The following TUB variants were observed in gnomAD, a reference collection of about 807,000 sequenced individuals.
TUB encodes tubby protein homolog.
TUB carries 33 observed loss-of-function variants against 59.7 expected under a neutral mutation model. That is an observed-to-expected ratio of 0.55 (90% confidence interval 0.42 to 0.74). The LOEUF (loss-of-function observed/expected upper bound fraction) is 0.74. TUB is among the 30% of genes least tolerant of loss of function. TUB has a pLI of 0.00. For synonymous variants in TUB, 293 were observed against 256.4 expected, an observed-to-expected ratio of 1.14 and a Z score of -1.36; for missense variants, 659 against 672.0, an observed-to-expected ratio of 0.98 and a Z score of 0.21.
chr11:8,025,102 T>G (rs960104276), intron 1 of TUB, among the ~76,000 whole-genome samples: 2 of 152,220 alleles, frequency 1.3e-5, no homozygotes, highest in African/African-American at 4.8e-5. Context: ...TGAAACAAAG[T>G]CTGTGGTCTC....
At chr11:8,093,985 G>C (rs893219932) in intron 3 of TUB, 61 bp from the exon 4 acceptor site, 1 of 1,606,286 alleles carries the variant, frequency 6.2e-7, no homozygotes, top group African/African-American at 1.3e-5. Flanking sequence ...GTTCAGGTGG[G>C]AGCTCTGGTC....
At chr11:8,038,500 TG>T, upstream of TUB, 1 of 590,856 alleles carries the variant, frequency 1.7e-6, no homozygotes, top group Non-Finnish European at 2.2e-6. Flanking sequence ...TTCCTCCAGA[TG>T]GGGCCTTTGT....
intron 1 of TUB, among the ~76,000 whole-genome samples, chr11:8,089,126 G>A (rs574609716): frequency 1.3e-5 from 2 of 152,310 alleles, no homozygotes; most frequent in East Asian, 1.9e-4. Context: ...TGCTTTCAAC[G>A]GATGGGGAAA....
chr11:8,040,496 G>A (rs935049649), intron 2 of TUB, among the ~76,000 whole-genome samples: 1 of 152,208 alleles, frequency 6.6e-6, no homozygotes, highest in Non-Finnish European at 1.5e-5. Context: ...TTCTGATGGG[G>A]TTTGTGATGA....
intron 1 of TUB, among the ~76,000 whole-genome samples, chr11:8,028,941 G>T (rs1942534674): frequency 6.6e-6 from 1 of 152,206 alleles, no homozygotes; most frequent in African/African-American, 2.4e-5. Context: ...GAGCCTGGAA[G>T]GTTGAGGTTG....
intron 2 of TUB, among the ~76,000 whole-genome samples, chr11:8,048,813 G>A (rs1051921135): frequency 3.9e-5 from 6 of 152,018 alleles, no homozygotes; most frequent in Admixed American, 2.0e-4. Flanking sequence ...ATGTAATGTT[G>A]TAATGTTATG....
intron 11 of TUB, 39 bp from the exon 12 acceptor site, chr11:8,101,447 C>A (rs1944299280): frequency 6.2e-7 from 1 of 1,607,652 alleles, no homozygotes; most frequent in Non-Finnish European, 8.5e-7. Context: ...CCATTCCTGT[C>A]CTGTCCTTTT....
chr11:8,087,158 A>G (rs1943684591), intron 1 of TUB, among the ~76,000 whole-genome samples: 1 of 152,222 alleles, frequency 6.6e-6, no homozygotes, highest in Non-Finnish European at 1.5e-5. Flanking sequence ...TGAGGCCACT[A>G]TGGCTGGAAA....
At chr11:8,093,070 A>C (rs938338130) in intron 3 of TUB, among the ~76,000 whole-genome samples, 1 of 152,158 alleles carries the variant, frequency 6.6e-6, no homozygotes, top group African/African-American at 2.4e-5. Context: ...CGGACCTTAC[A>C]GTCTAGGTGG....
In TUB at chr11:8,090,079, T is replaced by TGGAGCA; in HGVS notation, c.103_108dup (p.Glu35_Gln36dup). The TGGAGCA allele has an allele frequency of 6.2e-7, 1 of 1,607,916 alleles. No homozygotes were observed. On this transcript the variant is annotated inframe_insertion, in exon 3 of 12. Coordinates refer to ENST00000299506, the MANE Select transcript of TUB (RefSeq NM_177972.3). The stretch of plus-strand genomic sequence containing the variant: ...TCTGTGCCTCCATAGCGGGCCCTGC[T>TGGAGCA]GGAGCAGAAGCAGAAGAAGAAGCGC...
chr11:8,057,965 T>A (rs1015860206), intron 2 of TUB, among the ~76,000 whole-genome samples: 1 of 152,058 alleles, frequency 6.6e-6, no homozygotes, highest in African/African-American at 2.4e-5. Flanking sequence ...GCACCAGCAC[T>A]TTGGGAGGCC....
intron 2 of TUB, chr11:8,067,790 C>T (rs2133789944): frequency 6.6e-6 from 1 of 152,526 alleles, no homozygotes; most frequent in East Asian, 1.9e-4. Context: ...CTCAGGATTC[C>T]CTGAATTTCC....
chr11:8,090,041 G>A, intron 2 of TUB, 28 bp from the exon 3 acceptor site: 2 of 1,564,172 alleles, frequency 1.3e-6, no homozygotes, highest in East Asian at 4.7e-5. Flanking sequence ...TGGAGGCAGT[G>A]GGTCAGCCAA....
At chr11:8,051,298 A>T (rs1486877564) in intron 2 of TUB, among the ~76,000 whole-genome samples, 2 of 152,214 alleles carry the variant, frequency 1.3e-5, no homozygotes, top group Non-Finnish European at 2.9e-5. Flanking sequence ...TAAATTTTTC[A>T]TGTAACATAC....
intron 1 of TUB, among the ~76,000 whole-genome samples, chr11:8,081,847 C>T (rs1420327767): frequency 2.0e-5 from 3 of 152,226 alleles, no homozygotes; most frequent in Non-Finnish European, 4.4e-5. Flanking sequence ...TCTGAGCCCC[C>T]TCCTAGGCCC....
rs1315900829 is a variant in TUB, at chr11:8,106,234, C to T, written c.*4615C>T. On this transcript the variant is annotated 3_prime_UTR_variant, in exon 12 of 12. Transcript: ENST00000299506. ...ATATATCAACAAATTAAACTTGAAT[C>T]GTTTCAACACTTCTGTGTACTTTTT... 3 of 152,138 alleles carry T rather than the reference C, an allele frequency of 2.0e-5. No individual in the cohort carries two copies. The highest frequency in any genetic ancestry group is 1.9e-4 in the East Asian group (1 of 5,200). The allele number at this position is 152,138 out of a possible 1,614,324, so 9.4% of individuals were successfully genotyped here.
chr11:8,029,189 C>T lies in TUB; in HGVS notation c.56+9831C>T, dbSNP rs187723144. ...TGTGGCTTTTTTCTGGCCCCGGGTT[C>T]CCAAACAAAGCATGCAGTTGCTGGT... On this transcript the variant is annotated intron_variant, in intron 1 of 11. Coordinates refer to the TUB transcript ENST00000534099. 2.2e-3 allele frequency among the ~76,000 whole-genome samples: 332 copies of T among 152,198 alleles called. 1 individual carries two copies. The highest frequency in any genetic ancestry group is 6.8e-3 in the Middle Eastern group (2 of 294).
Position 8,019,268 on chromosome 11 carries a change from C to T in TUB, c.-35C>T, listed in dbSNP as rs903865509. The T allele has an allele frequency of 4.8e-6, 6 of 1,249,330 alleles. No homozygotes were observed. The African/African-American group carries it at 7.8e-5, about 16-fold the overall frequency. The allele number at this position is 1,249,330 out of a possible 1,614,324, so 77.4% of individuals were successfully genotyped here. A position where few individuals can be genotyped will look rare whatever the true frequency, so the allele number is the denominator to read the frequency against. Reference sequence around the variant, plus strand: ...CCAGCCCCAAGCCCAGCGCCGCCGCCGCCCGCGGAGCCCCGAGCGGAGCCG... The same window carrying T: ...CCAGCCCCAAGCCCAGCGCCGCCGCTGCCCGCGGAGCCCCGAGCGGAGCCG... On this transcript the variant is annotated 5_prime_UTR_variant, in exon 1 of 12. Coordinates refer to the TUB transcript ENST00000534099.
intron 2 of TUB, among the ~76,000 whole-genome samples, chr11:8,062,522 T>C (rs1943150954): frequency 6.7e-6 from 1 of 149,166 alleles, no homozygotes; most frequent in African/African-American, 2.4e-5. Flanking sequence ...TGTGCGTGTG[T>C]GTGTGTGTGT....
Sources: allele counts gnomAD v4.1 joint callset (sites outside exome capture counted in the v4.1 genomes callset), GRCh38; gene constraint gnomAD v4.1.1; transcripts MANE v1.5; gene names NCBI Gene and HGNC (gene_info 2026-07-23, HGNC 2026-07-21).